The following VWA3A variants were observed in gnomAD, a reference collection of about 807,000 sequenced individuals.
VWA3A encodes the protein von Willebrand factor A domain-containing protein 3A.
In VWA3A, 134 loss-of-function variants were observed where a neutral mutation model predicts 160.4. That is an observed-to-expected ratio of 0.84 (90% CI 0.73 to 0.96). VWA3A has a LOEUF of 0.96. Among genes scored for constraint, VWA3A ranks in the 40% least tolerant of loss-of-function variants. VWA3A has a pLI of 0.00. For synonymous variants in VWA3A, 476 were observed against 543.4 expected, an observed-to-expected ratio of 0.88 and a Z score of 1.72; for missense variants, 1,310 against 1,447.9, an observed-to-expected ratio of 0.90 and a Z score of 1.55.
chr16:22,098,693 T>A (rs1244769900), intron 3 of VWA3A, among the ~76,000 whole-genome samples: 1 of 152,122 alleles, frequency 6.6e-6, no homozygotes, highest in Non-Finnish European at 1.5e-5. Context: ...TAATAGTGTA[T>A]CTTCAAGTAT....
rs1375508660 is a variant in VWA3A, at chr16:22,097,526, T to G, written c.102-46T>G. 4.5e-6 allele frequency: 7 copies of G among 1,546,608 alleles called. No homozygotes were observed. In the East Asian group the frequency reaches 1.7e-4, roughly 38 times the overall value. ...GAGGAGGCACTGGGGGTATCAAACC[T>G]ATGCCCAGTGCTGGGGCATTGATCA... is the stretch of plus-strand genomic sequence containing the variant. On this transcript the variant is annotated intron_variant, in intron 2 of 33. Coordinates refer to ENST00000389398, the MANE Select transcript of VWA3A (RefSeq NM_173615.5).
At chr16:22,094,572 CA>C (rs140237362) in intron 1 of VWA3A, among the ~76,000 whole-genome samples, 43 of 142,816 alleles carry the variant, frequency 3.0e-4, no homozygotes, top group African/African-American at 3.5e-4. Flanking sequence ...CTAGCTGAAG[CA>C]AAAAAAAAAG....
rs1273217830 is a variant in VWA3A, at chr16:22,146,246, G to A, written c.2741G>A (p.Arg914Lys). 5 of 1,613,472 alleles carry A rather than the reference G, an allele frequency of 3.1e-6. No individual in the cohort carries two copies. The highest frequency in any genetic ancestry group is 4.2e-6 in the Non-Finnish European group (5 of 1,179,614). Residue 914 changes from arginine (R) to lysine (K), a missense_variant, in exon 27 of 34, where the codon AGA becomes AAA. By Grantham distance (26) the Arg-to-Lys change is conservative. Coordinates refer to ENST00000389398, the MANE Select transcript of VWA3A (RefSeq NM_173615.5). ...FPSVEIHGVV[R>K]HIQWTPREME... is the part of the protein sequence containing the mutation. ...CTTGCCTTAACCCAGGGAGTGGTGA[G>A]ACACATCCAGTGGACGCCCAGGGAG...
rs199824612 is a variant in VWA3A, at chr16:22,146,361, C to T, written c.2839+17C>T. On this transcript the variant is annotated intron_variant, in intron 27 of 33. Coordinates refer to ENST00000389398, the MANE Select transcript of VWA3A (RefSeq NM_173615.5). ...TGCTGTCCGGTGAGCCTGCCCACTG[C>T]CCTGAAGGGTGGAGGAGCATGAGGG... 5.6e-6 allele frequency: 9 copies of T among 1,606,408 alleles called. No homozygotes were observed. Among genetic ancestry groups the T allele is most frequent in the African/African-American group, 5.3e-5 (4 of 74,860 alleles).
chr16:22,112,782 C>A (rs2045571037), intron 8 of VWA3A, among the ~76,000 whole-genome samples: 1 of 152,214 alleles, frequency 6.6e-6, no homozygotes, highest in East Asian at 1.9e-4. Context: ...GAGGCCCCCT[C>A]ACCAGCACTA....
intron 29 of VWA3A, among the ~76,000 whole-genome samples, chr16:22,150,158 T>G (rs1450171876): frequency 6.6e-6 from 1 of 152,100 alleles, no homozygotes; most frequent in East Asian, 1.9e-4. Flanking sequence ...TCCCAGCACT[T>G]TGGGAGGGCA....
intron 17 of VWA3A, among the ~76,000 whole-genome samples, chr16:22,130,365 G>A (rs2045926759): frequency 6.6e-6 from 1 of 152,124 alleles, no homozygotes; most frequent in Admixed American, 6.6e-5. Context: ...TCTGAAACAG[G>A]TAGAGAGGCG....
In VWA3A at chr16:22,110,959, C is replaced by A; in HGVS notation, c.654C>A (p.Ser218=). 6.2e-7 allele frequency: 1 copy of A among 1,610,080 alleles called. No individual in the cohort carries two copies. Among genetic ancestry groups the A allele is most frequent in the Non-Finnish European group, 8.5e-7 (1 of 1,178,364 alleles). ...TGTCCTTTGGCACCAATGCCGGGTC[C>A]CTCTGGCCAGACCCCATGGAAGTCA... The part of the protein sequence containing the change: ...FVLSFGTNAG[S]LWPDPMEVSA... Residue 218 remains serine, a synonymous_variant, in exon 8 of 34, where the codon TCC becomes TCA. Transcript: ENST00000389398.
intron 17 of VWA3A, among the ~76,000 whole-genome samples, chr16:22,128,133 A>G (rs1412095086): frequency 6.6e-6 from 1 of 152,172 alleles, no homozygotes; most frequent in East Asian, 1.9e-4. Flanking sequence ...GAGATTGTGC[A>G]TGACAGAAAT....
intron 29 of VWA3A, 140 bp from the exon 30 acceptor site, chr16:22,150,553 TCA>T: frequency 1.0e-6 from 1 of 995,772 alleles, no homozygotes; most frequent in Non-Finnish European, 1.4e-6. Context: ...AAAGAGAATC[TCA>T]GTCTTTTTGA....
chr16:22,100,155 T>C, intron 3 of VWA3A, 39 bp from the exon 4 acceptor site: 1 of 1,512,392 alleles, frequency 6.6e-7, no homozygotes, highest in East Asian at 2.5e-5. Flanking sequence ...CTTCCCTCTC[T>C]TTCCACTTCA....
intron 25 of VWA3A, 95 bp downstream of exon 25, chr16:22,142,860 A>G: frequency 1.0e-6 from 1 of 979,624 alleles, no homozygotes; most frequent in Non-Finnish European, 1.5e-6. Context: ...ATAATCAGAA[A>G]TGAGAACAAG....
Position 22,121,636 on chromosome 16 carries a change from TC to T in VWA3A, c.1356+20del, listed in dbSNP as rs756882007. Reference sequence around the variant, plus strand: ...CCATGAGGTAATTCAGATTCATAATTCTCTCCAGTCCTCCACAGGAGAGCTC... The same window carrying T: ...CCATGAGGTAATTCAGATTCATAATTTCTCCAGTCCTCCACAGGAGAGCTC... On this transcript the variant is annotated intron_variant, in intron 14 of 33. Transcript: ENST00000389398. The T allele has an allele frequency of 5.7e-6, 9 of 1,578,126 alleles. No homozygotes were observed. The South Asian group carries it at 1.0e-4, about 17-fold the overall frequency.
chr16:22,151,877 C>T (rs2046354415), intron 30 of VWA3A, among the ~76,000 whole-genome samples: 1 of 152,058 alleles, frequency 6.6e-6, no homozygotes, highest in Non-Finnish European at 1.5e-5. Flanking sequence ...CTTTACAGGC[C>T]TAACACATAG....
At chr16:22,131,138 C>G in intron 17 of VWA3A, 67 bp from the exon 18 acceptor site, 1 of 1,482,644 alleles carries the variant, frequency 6.7e-7, no homozygotes, top group East Asian at 2.3e-5. Context: ...GCCTGCAAAG[C>G]CCAAAGAGGT....
intron 19 of VWA3A, 41 bp from the exon 20 acceptor site, chr16:22,132,859 C>T (rs371712979): frequency 1.3e-6 from 2 of 1,583,612 alleles, no homozygotes; most frequent in Non-Finnish European, 1.7e-6. Context: ...AGCTTCAAGG[C>T]CCTCAGCTGC....
At chr16:22,103,591 C>A in intron 6 of VWA3A, 62 bp downstream of exon 6, 1 of 1,528,442 alleles carries the variant, frequency 6.5e-7, no homozygotes, top group Non-Finnish European at 8.9e-7. Context: ...TTTGTTAGAA[C>A]CCTTTCAGTT....
intron 16 of VWA3A, among the ~76,000 whole-genome samples, chr16:22,125,087 C>T (rs1219066249): frequency 6.6e-6 from 1 of 151,870 alleles, no homozygotes; most frequent in East Asian, 1.9e-4. Flanking sequence ...CTACGAAGAC[C>T]CCAACCTATG....
rs148907512 is a variant in VWA3A, at chr16:22,153,390, A to G, written c.3405+756A>G. ...AAAAACTAGTCAGAGGAAGTGGTATAGCTAGAGCCCCAAGACACCCATGAT... is the reference window on the plus strand; with the variant it reads ...AAAAACTAGTCAGAGGAAGTGGTATGGCTAGAGCCCCAAGACACCCATGAT... On this transcript the variant is annotated intron_variant, in intron 31 of 33. Coordinates refer to ENST00000389398, the MANE Select transcript of VWA3A (RefSeq NM_173615.5). Among the ~76,000 whole-genome samples the G allele has an allele frequency of 8.6e-3, 1,314 of 152,310 alleles. 21 individuals are homozygous for G. Among genetic ancestry groups the G allele is most frequent in the African/African-American group, 0.029 (1,185 of 41,558 alleles).
Sources: allele counts gnomAD v4.1 joint callset (sites outside exome capture counted in the v4.1 genomes callset), GRCh38; gene constraint gnomAD v4.1.1; transcripts MANE v1.5; gene names NCBI Gene and HGNC (gene_info 2026-07-23, HGNC 2026-07-21).